Variants in FAM193A observed in about 807,000 individuals in gnomAD.
FAM193A encodes family with sequence similarity 193 member A, also known as protein FAM193A.
A neutral mutation model predicts 126.5 loss-of-function variants in FAM193A; 22 were observed. The observed-to-expected ratio is 0.17, with a 90% confidence interval of 0.12 to 0.25. The LOEUF (loss-of-function observed/expected upper bound fraction) is 0.25, where lower values mean the gene tolerates loss of function less well. Among genes scored for constraint, FAM193A ranks in the 10% least tolerant of loss-of-function variants. The pLI, the probability that FAM193A is intolerant of heterozygous loss-of-function variation, is 1.00. For synonymous variants in FAM193A, 761 were observed against 646.8 expected, an observed-to-expected ratio of 1.18 and a Z score of -2.68; for missense variants, 1,675 against 1,672.8, an observed-to-expected ratio of 1.00 and a Z score of -0.02.
chr4:2,719,762 TCCTTCCTTCCTC>T (rs1267925941), intron 20 of FAM193A, among the ~76,000 whole-genome samples: 1 of 112,680 alleles, frequency 8.9e-6, no homozygotes, highest in African/African-American at 3.3e-5. Flanking sequence ...AAAAAAATCC[TCCTTCCTTCCTC>T]CCTCCCTCCC....
intron 20 of FAM193A, among the ~76,000 whole-genome samples, chr4:2,727,658 C>G (rs1720905126): frequency 6.6e-6 from 1 of 152,222 alleles, no homozygotes; most frequent in Admixed American, 6.5e-5. Flanking sequence ...ATTGCTCTCT[C>G]AAATACTGGG....
At chr4:2,668,502 C>T (rs571518654) in intron 12 of FAM193A, among the ~76,000 whole-genome samples, 3 of 152,260 alleles carry the variant, frequency 2.0e-5, no homozygotes, top group South Asian at 2.1e-4. Context: ...TGAGCCACCA[C>T]GCCCGCCCAC....
intron 13 of FAM193A, among the ~76,000 whole-genome samples, chr4:2,679,156 C>T (rs1348908463): frequency 1.3e-5 from 2 of 152,048 alleles, no homozygotes; most frequent in Non-Finnish European, 2.9e-5. Context: ...GCTTTTTCTG[C>T]ACCAGTTGTG....
intron 2 of FAM193A, among the ~76,000 whole-genome samples, chr4:2,603,115 C>T (rs1382392769): frequency 6.7e-6 from 1 of 148,438 alleles, no homozygotes; most frequent in Non-Finnish European, 1.5e-5. Context: ...ATTACAGGCG[C>T]CCACCACCAT....
chr4:2,604,747 C>T (rs1262420117), intron 2 of FAM193A, among the ~76,000 whole-genome samples: 4 of 147,318 alleles, frequency 2.7e-5, no homozygotes, highest in Non-Finnish European at 4.5e-5. Context: ...GTAGACTTTA[C>T]GTGGTTTTAA....
chr4:2,627,094 T>C (rs1414493444), intron 4 of FAM193A, among the ~76,000 whole-genome samples: 6 of 152,148 alleles, frequency 3.9e-5, no homozygotes, highest in East Asian at 1.9e-4. Context: ...AGATACCTTA[T>C]GCTCAGTAAC....
intron 2 of FAM193A, among the ~76,000 whole-genome samples, chr4:2,598,932 T>A (rs1475692158): frequency 6.6e-6 from 1 of 152,206 alleles, no homozygotes; most frequent in African/African-American, 2.4e-5. Context: ...GGGGCAGCTT[T>A]CCCAGCGAGC....
chr4:2,575,619 A>G (rs1392891829), intron 1 of FAM193A, among the ~76,000 whole-genome samples: 1 of 146,252 alleles, frequency 6.8e-6, no homozygotes, highest in African/African-American at 2.5e-5. Context: ...GGCGCCCACC[A>G]CTACACCTAG....
chr4:2,598,058 C>T (rs1053622439), intron 2 of FAM193A, among the ~76,000 whole-genome samples: 1 of 152,168 alleles, frequency 6.6e-6, no homozygotes, highest in African/African-American at 2.4e-5. Context: ...GCACGCGCCA[C>T]CATGCCCAGC....
Position 2,590,476 on chromosome 4 carries a change from CAA to C in FAM193A, c.256-5600_256-5599del, listed in dbSNP as rs754091956. ...GAGACTCCATCTCAAAAAAAAAAAA[CAA>C]AAAAAAACAAAAAAAAACAAAAAAA... On this transcript the variant is annotated intron_variant, in intron 1 of 20. Transcript: ENST00000637812. Among the ~76,000 whole-genome samples the C allele has an allele frequency of 7.4e-5, 3 of 40,502 alleles. 1 individual carries two copies. The highest frequency in any genetic ancestry group is 3.4e-4 in the African/African-American group (2 of 5,932). 26.6% of individuals were successfully genotyped at this position (40,502 alleles called of 152,430 possible).
intron 1 of FAM193A, among the ~76,000 whole-genome samples, chr4:2,561,987 A>G (rs1738643276): frequency 6.6e-6 from 1 of 152,218 alleles, no homozygotes; most frequent in Non-Finnish European, 1.5e-5. Context: ...TTGTTTGCTA[A>G]GTAACTTATC....
intron 1 of FAM193A, among the ~76,000 whole-genome samples, chr4:2,574,377 G>A (rs777813287): frequency 2.6e-5 from 4 of 152,166 alleles, no homozygotes; most frequent in South Asian, 4.1e-4. Context: ...GTGCCCAGGC[G>A]TCCTGTGCTC....
intron 20 of FAM193A, 62 bp from the exon 21 acceptor site, chr4:2,731,713 C>A: frequency 1.5e-6 from 2 of 1,333,450 alleles, no homozygotes; most frequent in South Asian, 1.2e-5. Flanking sequence ...TGGGCTTTGC[C>A]AAGCACCAGC....
intron 6 of FAM193A, among the ~76,000 whole-genome samples, chr4:2,644,647 C>A (rs1477646694): frequency 2.0e-5 from 3 of 151,966 alleles, no homozygotes; most frequent in Non-Finnish European, 4.4e-5. Flanking sequence ...TGCCCAGTTA[C>A]ACCTAACCTC....
At chr4:2,665,471 C>A (rs558253494) in intron 12 of FAM193A, among the ~76,000 whole-genome samples, 5 of 152,072 alleles carry the variant, frequency 3.3e-5, no homozygotes, top group Non-Finnish European at 5.9e-5. Context: ...TGCTTTTAAT[C>A]TTCCCTTCCC....
chr4:2,673,964 C>T (rs1279272128), intron 13 of FAM193A, among the ~76,000 whole-genome samples: 2 of 152,110 alleles, frequency 1.3e-5, no homozygotes, highest in Admixed American at 1.3e-4. Context: ...AATATCTGTT[C>T]TCTTGATACC....
intron 4 of FAM193A, among the ~76,000 whole-genome samples, chr4:2,627,158 A>ACTTTTT (rs1743050549): frequency 7.7e-6 from 1 of 130,444 alleles, no homozygotes; most frequent in Non-Finnish European, 1.6e-5. Context: ...GTTTGATGTA[A>ACTTTTT]CTTTTTTTTT....
chr4:2,606,232 G>T (rs1314951496), intron 2 of FAM193A, among the ~76,000 whole-genome samples: 1 of 151,360 alleles, frequency 6.6e-6, no homozygotes, highest in Non-Finnish European at 1.5e-5. Context: ...TGTATTTTTG[G>T]TAGAGATGGG....
At chr4:2,608,080 G>T (rs1466265402) in intron 2 of FAM193A, 3 of 1,609,506 alleles carry the variant, frequency 1.9e-6, no homozygotes, top group Non-Finnish European at 2.5e-6. Flanking sequence ...AAGCCGGCCT[G>T]ATTCACTCCC....
Sources: allele counts gnomAD v4.1 joint callset (sites outside exome capture counted in the v4.1 genomes callset), GRCh38; gene constraint gnomAD v4.1.1; transcripts MANE v1.5; gene names NCBI Gene and HGNC (gene_info 2026-07-23, HGNC 2026-07-21).